Variants in PIBF1 observed in about 807,000 individuals in gnomAD.
The protein encoded by PIBF1 is progesterone immunomodulatory binding factor 1.
A neutral mutation model predicts 112.5 loss-of-function variants in PIBF1; 90 were observed. That is an observed-to-expected ratio of 0.80 (90% CI 0.67 to 0.95). PIBF1 has a LOEUF of 0.95. Among genes scored for constraint, PIBF1 ranks in the 40% least tolerant of loss-of-function variants. PIBF1 has a pLI of 0.00. For synonymous variants in PIBF1, 301 were observed against 288.6 expected (o/e 1.04, Z -0.44); for missense variants, 915 against 852.3 (o/e 1.07, Z -0.92).
intron 12 of PIBF1, among the ~76,000 whole-genome samples, chr13:72,912,935 A>G (rs979039435): frequency 6.6e-6 from 1 of 151,826 alleles, no homozygotes; most frequent in Non-Finnish European, 1.5e-5. Flanking sequence ...ATATGATTAT[A>G]GTATATAGTA....
At chr13:72,941,998 A>G (rs2042023785) in intron 14 of PIBF1, among the ~76,000 whole-genome samples, 1 of 152,212 alleles carries the variant, frequency 6.6e-6, no homozygotes, top group South Asian at 2.1e-4. Context: ...CTTTATTGGT[A>G]TAAAGTAAGT....
chr13:72,949,795 TA>T (rs67382951), intron 14 of PIBF1, among the ~76,000 whole-genome samples: 4,050 of 152,304 alleles, frequency 0.027, 74 homozygotes, highest in Non-Finnish European at 0.041. Context: ...TTTTTATTAT[TA>T]TTTTTTTAAC....
intron 2 of PIBF1, among the ~76,000 whole-genome samples, chr13:72,785,824 A>G (rs367934900): frequency 6.6e-6 from 1 of 152,146 alleles, no homozygotes. Context: ...CCAGACTTAC[A>G]TTTTGTTCAG....
chr13:72,899,756 G>A (rs1300156403), intron 11 of PIBF1, among the ~76,000 whole-genome samples: 1 of 152,060 alleles, frequency 6.6e-6, no homozygotes, highest in Admixed American at 6.6e-5. Flanking sequence ...CCTAGCCAAA[G>A]CAATCAAACA....
chr13:72,799,568 TA>T (rs1053396569), intron 5 of PIBF1, among the ~76,000 whole-genome samples: 5 of 150,566 alleles, frequency 3.3e-5, no homozygotes, highest in African/African-American at 9.7e-5. Flanking sequence ...ATAGTTCAAT[TA>T]AAAAAAAAAT....
At chr13:72,887,939 A>G (rs1200030815) in intron 10 of PIBF1, among the ~76,000 whole-genome samples, 1 of 152,182 alleles carries the variant, frequency 6.6e-6, no homozygotes, top group African/African-American at 2.4e-5. Context: ...CCCTCCACCA[A>G]GGTCAATACA....
intron 10 of PIBF1, among the ~76,000 whole-genome samples, chr13:72,871,725 T>C (rs2039174041): frequency 6.6e-6 from 1 of 152,210 alleles, no homozygotes; most frequent in Non-Finnish European, 1.5e-5. Context: ...TCTTCTGCCA[T>C]ATATACATGC....
intron 3 of PIBF1, among the ~76,000 whole-genome samples, chr13:72,794,263 G>T (rs928715178): frequency 6.6e-6 from 1 of 152,080 alleles, no homozygotes; most frequent in African/African-American, 2.4e-5. Flanking sequence ...AAATATGATC[G>T]CCATGGGTTT....
intron 16 of PIBF1, among the ~76,000 whole-genome samples, chr13:72,983,249 A>G (rs190044636): frequency 6.6e-6 from 1 of 152,026 alleles, no homozygotes. Context: ...GCAGTGAGTC[A>G]TGATTGCACC....
intron 14 of PIBF1, among the ~76,000 whole-genome samples, chr13:72,935,496 G>A (rs905862869): frequency 4.6e-5 from 7 of 152,144 alleles, no homozygotes; most frequent in Non-Finnish European, 2.9e-5. Context: ...ATAAAGCTCA[G>A]ATGAACATTC....
At chr13:72,813,558 G>A (rs1363191597) in intron 5 of PIBF1, among the ~76,000 whole-genome samples, 3 of 152,134 alleles carry the variant, frequency 2.0e-5, no homozygotes, top group Non-Finnish European at 4.4e-5. Flanking sequence ...GAGCCAGGAT[G>A]ATATGACCAA....
intron 13 of PIBF1, among the ~76,000 whole-genome samples, chr13:72,918,460 T>C (rs2041176697): frequency 1.4e-5 from 2 of 146,748 alleles, no homozygotes; most frequent in South Asian, 4.4e-4. Flanking sequence ...CAGTCTCAGC[T>C]CACTGCAACC....
At chr13:72,934,351 T>A (rs1253914200) in intron 14 of PIBF1, among the ~76,000 whole-genome samples, 1 of 152,168 alleles carries the variant, frequency 6.6e-6, no homozygotes. Context: ...CAGGCTAGAG[T>A]GCAGTGGTGC....
intron 6 of PIBF1, 42 bp downstream of exon 6, chr13:72,822,024 A>G: frequency 1.3e-6 from 2 of 1,541,822 alleles, no homozygotes; most frequent in South Asian, 1.2e-5. Flanking sequence ...CTCTATTTTT[A>G]GGGTGCATCA....
At chr13:72,917,296 C>T (rs1292671899) in intron 13 of PIBF1, 130 bp downstream of exon 13, 9 of 428,368 alleles carry the variant, frequency 2.1e-5, no homozygotes, top group Middle Eastern at 6.3e-4. Context: ...TTAAATTTCT[C>T]ACAAAATAAA....
rs71099771 is a variant in PIBF1, at chr13:72,949,300, C to CTTTTTTTT, written c.1834-15948_1834-15941dup. On this transcript the variant is annotated intron_variant, in intron 14 of 17. Transcript: ENST00000326291. ...AACTACTACCTAGACAAATAGCTGT[C>CTTTTTTTT]TTTTTTTTTTTTTTTTTTTTTTTTT... 1.1e-3 allele frequency among the ~76,000 whole-genome samples: 62 copies of CTTTTTTTT among 54,984 alleles called. 9 individuals carry two copies. The highest frequency in any genetic ancestry group is 1.4e-3 in the Non-Finnish European group (43 of 31,600). The allele number at this position is 54,984 out of a possible 152,430, so 36.1% of individuals were successfully genotyped here. A position where few individuals can be genotyped will look rare whatever the true frequency, so the allele number is the denominator to read the frequency against.
intron 9 of PIBF1, among the ~76,000 whole-genome samples, chr13:72,851,183 C>T (rs1006524658): frequency 1.3e-5 from 2 of 152,186 alleles, no homozygotes; most frequent in African/African-American, 4.8e-5. Context: ...AAACCCAGAC[C>T]CCTTCCGAGT....
In PIBF1 at chr13:72,827,095, G is replaced by A. The variant is rs949656648; in HGVS notation, c.892G>A (p.Glu298Lys). 5.0e-6 allele frequency: 8 copies of A among 1,588,110 alleles called. No individual in the cohort carries two copies. Among genetic ancestry groups the A allele is most frequent in the Admixed American group, 1.7e-5 (1 of 58,064 alleles). The part of the protein sequence containing the change: ...LEASHMIQTK[E>K]RSELSKEVVT... ...AGCCTCTCACATGATTCAAACAAAA[G>A]AACGAAGTGAATTATCAAAAGAGGT... Residue 298 changes from glutamate (E) to lysine (K), a missense_variant, in exon 7 of 18, where the codon GAA becomes AAA. Transcript: ENST00000326291.
chr13:72,788,095 T>C (rs941741135), intron 2 of PIBF1, among the ~76,000 whole-genome samples: 2 of 152,230 alleles, frequency 1.3e-5, no homozygotes, highest in Non-Finnish European at 2.9e-5. Flanking sequence ...CACTAGACTA[T>C]AGCTCCATGA....
Sources: allele counts gnomAD v4.1 joint callset (sites outside exome capture counted in the v4.1 genomes callset), GRCh38; gene constraint gnomAD v4.1.1; transcripts MANE v1.5; gene names NCBI Gene and HGNC (gene_info 2026-07-23, HGNC 2026-07-21).